Variants in TRNT1 observed in about 807,000 individuals in gnomAD.
TRNT1 encodes CCA tRNA nucleotidyltransferase 1, mitochondrial.
In TRNT1, 44 loss-of-function variants were observed where a neutral mutation model predicts 45.6. The ratio of observed to expected loss-of-function variants is 0.97; its 90% CI spans 0.76 to 1.24. TRNT1 has a LOEUF of 1.24. TRNT1 is among the 50% of genes most tolerant of loss of function. The pLI is 0.00. For synonymous variants in TRNT1, 201 were observed against 171.4 expected (o/e 1.17, Z -1.35); for missense variants, 633 against 504.4 (o/e 1.25, Z -2.44).
Position 3,137,303 on chromosome 3 carries a change from A to G in TRNT1, c.192A>G (p.Gly64=). The change falls in exon 3 of 8, where the codon GGA becomes GGG. Residue 64 remains glycine, a synonymous_variant. Transcript: ENST00000251607. ...ATCACGAATTAAGAATAGCAGGAGG[A>G]GCAGTGAGGGATTTATTAAATGGAG... is the stretch of plus-strand genomic sequence containing the variant. ...KENHELRIAG[G]AVRDLLNGVK... is the part of the protein sequence containing the mutation. The G allele has an allele frequency of 6.2e-7, 1 of 1,610,154 alleles. No homozygotes were observed.
chr3:3,151,885 T>TTAGTC (rs1007694082), downstream of TRNT1, among the ~76,000 whole-genome samples: 1 of 152,204 alleles, frequency 6.6e-6, no homozygotes, highest in African/African-American at 2.4e-5. Flanking sequence ...CTGCACCTTC[T>TTAGTC]TAGTCTATCA....
chr3:3,152,467 G>C (rs757588143), downstream of TRNT1: 1 of 1,613,208 alleles, frequency 6.2e-7, no homozygotes, highest in Admixed American at 1.7e-5. Flanking sequence ...CAGGAAACCA[G>C]CTGTGTTCTG....
intron 5 of TRNT1, chr3:3,145,725 C>G (rs1259385276): frequency 6.6e-6 from 1 of 152,012 alleles, no homozygotes; most frequent in Non-Finnish European, 1.5e-5. Flanking sequence ...AATGTAGTTT[C>G]TCTAAACTTG....
In TRNT1 at chr3:3,137,286, T is replaced by A; in HGVS notation, c.175T>A (p.Leu59Ile). The change falls in exon 3 of 8, where the codon TTA becomes ATA. Residue 59 changes from leucine (L) to isoleucine (I), a missense_variant. By Grantham distance (5) the Leu-to-Ile change is conservative (BLOSUM62 2). Transcript: ENST00000251607. ...ATTATTTGTCAAAGAGAATCACGAA[T>A]TAAGAATAGCAGGAGGAGCAGTGAG... The part of the protein sequence containing the change: ...TELFVKENHE[L>I]RIAGGAVRDL... 6.3e-7 allele frequency: 1 copy of A among 1,594,532 alleles called. No individual in the cohort carries two copies. Among genetic ancestry groups the A allele is most frequent in the South Asian group, 1.2e-5 (1 of 86,582 alleles).
At chr3:3,132,742 AAAC>A (rs1384171329) in intron 2 of TRNT1, among the ~76,000 whole-genome samples, 37 of 134,874 alleles carry the variant, frequency 2.7e-4, no homozygotes, top group African/African-American at 9.1e-4. Flanking sequence ...AAAAAAAAAA[AAAC>A]ACAAAAAAAA....
chr3:3,153,064 C>T (rs536356403), downstream of TRNT1: 1 of 303,312 alleles, frequency 3.3e-6, no homozygotes, highest in African/African-American at 2.2e-5. Context: ...GAAGCATGTC[C>T]TACTTTGGCC....
chr3:3,139,504 T>C (rs1032705130), intron 3 of TRNT1, among the ~76,000 whole-genome samples: 5 of 152,222 alleles, frequency 3.3e-5, no homozygotes, highest in Non-Finnish European at 5.9e-5. Flanking sequence ...AATGCTAATA[T>C]GCTACCTGTC....
intron 2 of TRNT1, among the ~76,000 whole-genome samples, chr3:3,132,757 A>AC (rs1475386889): frequency 6.0e-5 from 9 of 149,792 alleles, no homozygotes; most frequent in South Asian, 2.1e-4. Context: ...CAAAAAAAAA[A>AC]CACTGGATTT....
Position 3,148,694 on chromosome 3 carries a change from T to TA in TRNT1, c.*541dup, listed in dbSNP as rs1250040678. The TA allele has an allele frequency of 6.6e-6, 1 of 152,308 alleles. No homozygotes were observed. Among genetic ancestry groups the TA allele is most frequent in the East Asian group, 1.9e-4 (1 of 5,204 alleles). 9.4% of individuals were successfully genotyped at this position (152,308 alleles called of 1,614,324 possible). A position where few individuals can be genotyped will look rare whatever the true frequency, so the allele number is the denominator to read the frequency against. On this transcript the variant is annotated 3_prime_UTR_variant, in exon 8 of 8. Transcript: ENST00000251607. ...GCATTCATATGTACAGGATTTGTTC[T>TA]AGCAAGCTATGCTTCAGTATGTGGT...
chr3:3,130,059 C>G (rs1704911999), intron 2 of TRNT1: 1 of 1,209,882 alleles, frequency 8.3e-7, no homozygotes, highest in Non-Finnish European at 1.2e-6. Context: ...GCCACAGTTT[C>G]ATTAGTGTTG....
intron 5 of TRNT1, chr3:3,145,315 A>AT (rs1383694054): frequency 6.6e-6 from 1 of 152,068 alleles, no homozygotes; most frequent in Non-Finnish European, 1.5e-5. Flanking sequence ...CATGCTGGCT[A>AT]ACATGGTGAA....
In TRNT1 at chr3:3,129,421, G is replaced by A. The variant is rs1704857629; in HGVS notation, c.148+233G>A. 2.5e-4 allele frequency: 115 copies of A among 459,170 alleles called. 4 individuals carry two copies. The South Asian group carries it at 2.8e-3, about 11-fold the overall frequency. 28.4% of individuals were successfully genotyped at this position (459,170 alleles called of 1,614,324 possible). On this transcript the variant is annotated intron_variant, in intron 2 of 7. Coordinates refer to ENST00000251607, the MANE Select transcript of TRNT1 (RefSeq NM_182916.3). ...AGGTGTGAGCCACGGTGCCCAATGT[G>A]CACGTTTTCATTGTTGGAAGAAAGG... is the stretch of plus-strand genomic sequence containing the variant.
At chr3:3,140,815 G>C (rs951612896) in intron 4 of TRNT1, 167 bp downstream of exon 4, 1 of 811,398 alleles carries the variant, frequency 1.2e-6, no homozygotes, top group African/African-American at 1.7e-5. Flanking sequence ...GGGCACGGTG[G>C]GTCACGCCTG....
chr3:3,149,529 G>C (rs1706327967), downstream of TRNT1: 1 of 152,094 alleles, frequency 6.6e-6, no homozygotes, highest in African/African-American at 2.4e-5. Flanking sequence ...AACTGGTTTA[G>C]AGTTCAGCCT....
At chr3:3,146,982 C>A (rs1377750748) in intron 6 of TRNT1, among the ~76,000 whole-genome samples, 1 of 152,162 alleles carries the variant, frequency 6.6e-6, no homozygotes, top group Non-Finnish European at 1.5e-5. Flanking sequence ...ACATGTAAAG[C>A]TCTTTTAGAA....
Position 3,148,050 on chromosome 3 carries a change from G to GGAAAA in TRNT1, c.1206_1210dup (p.Ile404LysfsTer27). 2.5e-6 allele frequency: 4 copies of GGAAAA among 1,613,900 alleles called. No individual in the cohort carries two copies. The highest frequency in any genetic ancestry group is 1.3e-5 in the African/African-American group (1 of 75,006). ...CATCAGAAAAGTGGGCATTTCTTCA[G>GGAAAA]GAAAAGAAATTGGGGCTCTATTACA... On this transcript the variant is annotated frameshift_variant, in exon 8 of 8. Coordinates refer to ENST00000251607, the MANE Select transcript of TRNT1 (RefSeq NM_182916.3). LOFTEE classifies it high-confidence loss of function.
At chr3:3,130,096 CT>C in intron 2 of TRNT1, 1 of 854,872 alleles carries the variant, frequency 1.2e-6, no homozygotes, top group Non-Finnish European at 1.8e-6. Flanking sequence ...GCTGATGTTG[CT>C]AAAGCAGCCA....
In TRNT1 at chr3:3,131,144, A is replaced by G. The variant is rs188169562; in HGVS notation, c.148+1956A>G. On this transcript the variant is annotated intron_variant, in intron 2 of 7. Coordinates refer to ENST00000251607, the MANE Select transcript of TRNT1 (RefSeq NM_182916.3). Reference sequence around the variant, plus strand: ...TGGAAGTCTTTGAAGTCTGGCATGCATTTAATACAGCACATCTGAATTCAG... The same window carrying G: ...TGGAAGTCTTTGAAGTCTGGCATGCGTTTAATACAGCACATCTGAATTCAG... The G allele has an allele frequency of 1.1e-3, 163 of 152,240 alleles. 1 individual carries two copies. Among genetic ancestry groups the G allele is most frequent in the African/African-American group, 3.8e-3 (156 of 41,554 alleles). 9.4% of individuals were successfully genotyped at this position (152,240 alleles called of 1,614,324 possible).
chr3:3,139,192 G>T (rs1705496100), intron 3 of TRNT1, among the ~76,000 whole-genome samples: 1 of 152,064 alleles, frequency 6.6e-6, no homozygotes, highest in Admixed American at 6.6e-5. Context: ...TCAGTCCCTG[G>T]TTTTCTGCCT....
Sources: gnomAD v4.1 joint callset for allele counts (sites outside exome capture counted in the v4.1 genomes callset) on GRCh38, gnomAD v4.1.1 for gene constraint, MANE v1.5 for transcripts, NCBI Gene and HGNC (gene_info 2026-07-23, HGNC 2026-07-21) for gene names.